AMPH: variants seen among roughly 807,000 people sequenced by gnomAD.
AMPH encodes the protein amphiphysin, also known as amphiphysin (Stiff-Mann syndrome with breast cancer 128kD autoantigen).
Under a neutral mutation model 99.1 loss-of-function variants are expected in AMPH, and 49 were observed. The observed-to-expected ratio is 0.49, with a 90% CI of 0.39 to 0.63. The LOEUF is 0.63. Ranked by LOEUF, AMPH falls within the 20% of genes least tolerant of loss-of-function variation. The pLI is 0.00. For synonymous variants in AMPH, 314 were observed against 317.3 expected (o/e 0.99, Z 0.11); for missense variants, 759 against 863.4 (o/e 0.88, Z 1.52).
chr7:38,485,714 G>A (rs921672859), intron 5 of AMPH, among the ~76,000 whole-genome samples: 16 of 151,864 alleles, frequency 1.1e-4, no homozygotes, highest in African/African-American at 3.4e-4. Flanking sequence ...AGTATAGAAA[G>A]TATGAAGGGT....
chr7:38,391,963 C>A lies in AMPH; in HGVS notation c.1663G>T (p.Gly555Ter), dbSNP rs1784511642. The change falls in exon 19 of 21, where the codon GGA becomes TGA. Residue 555 changes from glycine to a stop codon, truncating the protein, a stop_gained. Transcript: ENST00000356264. LOFTEE classifies it high-confidence loss of function. ...GCACCTATAGTTATTTCGTTTTCTC[C>A]TTCCTCTTCATGGTTGGAGGCAGGC... ...IEPASNHEEE[G>*]ENEITIGAEP... 1 of 1,611,170 alleles carries A rather than the reference C, an allele frequency of 6.2e-7. No homozygotes were observed. Among genetic ancestry groups the A allele is most frequent in the Non-Finnish European group, 8.5e-7 (1 of 1,180,012 alleles).
intron 1 of AMPH, among the ~76,000 whole-genome samples, chr7:38,626,821 A>C (rs1256619741): frequency 1.3e-5 from 2 of 152,224 alleles, no homozygotes; most frequent in African/African-American, 2.4e-5. Context: ...AACTTAAGCA[A>C]ATTTACAAGA....
chr7:38,460,612 A>G (rs948832197), intron 11 of AMPH, among the ~76,000 whole-genome samples: 1 of 152,154 alleles, frequency 6.6e-6, no homozygotes, highest in African/African-American at 2.4e-5. Flanking sequence ...GAAAAGACAG[A>G]TGCCACAAAT....
intron 1 of AMPH, among the ~76,000 whole-genome samples, chr7:38,599,787 T>TAAA (rs397729801): frequency 6.6e-5 from 10 of 150,980 alleles, no homozygotes; most frequent in Admixed American, 4.6e-4. Context: ...TAATATTAAA[T>TAAA]TTGAAATATT....
At chr7:38,440,966 G>T (rs772223631) in intron 11 of AMPH, among the ~76,000 whole-genome samples, 10 of 151,980 alleles carry the variant, frequency 6.6e-5, no homozygotes, top group South Asian at 2.1e-4. Flanking sequence ...GCAATTAAAA[G>T]GCAGAGATTA....
intron 1 of AMPH, among the ~76,000 whole-genome samples, chr7:38,610,229 T>A (rs1232055099): frequency 2.1e-5 from 1 of 47,458 alleles, no homozygotes; most frequent in African/African-American, 7.7e-5. Flanking sequence ...AAAGCTAAGC[T>A]CTCTCAAAAA....
At chr7:38,524,804 A>T (rs932787886) in intron 2 of AMPH, among the ~76,000 whole-genome samples, 7 of 152,144 alleles carry the variant, frequency 4.6e-5, no homozygotes, top group Non-Finnish European at 8.8e-5. Context: ...CTTTTCTTGA[A>T]AATCTGATGT....
chr7:38,420,100 C>T (rs377133128), intron 16 of AMPH, among the ~76,000 whole-genome samples: 14 of 152,164 alleles, frequency 9.2e-5, no homozygotes, highest in East Asian at 7.7e-4. Flanking sequence ...GTTTCACATA[C>T]GACAATAACA....
intron 11 of AMPH, among the ~76,000 whole-genome samples, chr7:38,457,931 A>G (rs1257529831): frequency 1.3e-5 from 2 of 151,836 alleles, no homozygotes; most frequent in South Asian, 2.1e-4. Flanking sequence ...GTCATTTTGT[A>G]TGTGTGTGTG....
chr7:38,445,744 C>T (rs76107702), intron 11 of AMPH, among the ~76,000 whole-genome samples: 8,629 of 152,152 alleles, frequency 0.057, 631 homozygotes, highest in East Asian at 0.35. Flanking sequence ...AAACACTAAC[C>T]GATACGGTTT....
chr7:38,629,641 T>C (rs558725596), intron 1 of AMPH, among the ~76,000 whole-genome samples: 132 of 152,346 alleles, frequency 8.7e-4, no homozygotes, highest in African/African-American at 2.7e-3. Context: ...CTAAATTCCT[T>C]CACAGATGGA....
At chr7:38,561,883 T>C (rs1352091426) in intron 1 of AMPH, among the ~76,000 whole-genome samples, 1 of 150,750 alleles carries the variant, frequency 6.6e-6, no homozygotes, top group Non-Finnish European at 1.5e-5. Flanking sequence ...GGCTTCTCAC[T>C]AGACCCAGAA....
chr7:38,407,076 A>ATATATATATATATGTG (rs1478238678), intron 17 of AMPH, among the ~76,000 whole-genome samples: 1 of 19,732 alleles, frequency 5.1e-5, no homozygotes. Context: ...ATATATATAT[A>ATATATATATATATGTG]TGTGTGTGTG....
intron 17 of AMPH, among the ~76,000 whole-genome samples, chr7:38,407,048 C>CTCTCTCTCTCTA (rs1241166935): frequency 2.2e-4 from 7 of 31,248 alleles, no homozygotes; most frequent in Admixed American, 4.1e-4. Flanking sequence ...CTCTCTCTCT[C>CTCTCTCTCTCTA]TATATATATA....
At chr7:38,517,408 T>C (rs1480615109) in intron 2 of AMPH, among the ~76,000 whole-genome samples, 1 of 152,246 alleles carries the variant, frequency 6.6e-6, no homozygotes, top group Non-Finnish European at 1.5e-5. Context: ...CTTCACTCTC[T>C]TCCTCCTGCT....
At chr7:38,452,817 A>T (rs1416193553) in intron 11 of AMPH, among the ~76,000 whole-genome samples, 2 of 152,226 alleles carry the variant, frequency 1.3e-5, no homozygotes, top group African/African-American at 4.8e-5. Flanking sequence ...TCCTGACCTC[A>T]TCCCAGACCT....
intron 7 of AMPH, among the ~76,000 whole-genome samples, chr7:38,472,603 TACAG>T (rs1787925299): frequency 1.3e-5 from 2 of 152,332 alleles, no homozygotes; most frequent in South Asian, 4.1e-4. Flanking sequence ...ATCTTTGGTA[TACAG>T]CATACACAAT....
chr7:38,590,850 A>G (rs532889324), intron 1 of AMPH, among the ~76,000 whole-genome samples: 1 of 152,346 alleles, frequency 6.6e-6, no homozygotes, highest in Non-Finnish European at 1.5e-5. Flanking sequence ...CAATGACCAC[A>G]AGGCCATAGA....
chr7:38,395,902 G>A (rs545467734), intron 17 of AMPH, among the ~76,000 whole-genome samples: 4 of 152,182 alleles, frequency 2.6e-5, no homozygotes, highest in African/African-American at 9.6e-5. Context: ...AAAGGTACAG[G>A]TAATAGTTTA....
Sources: allele counts gnomAD v4.1 joint callset (sites outside exome capture counted in the v4.1 genomes callset), GRCh38; gene constraint gnomAD v4.1.1; transcripts MANE v1.5; gene names NCBI Gene and HGNC (gene_info 2026-07-23, HGNC 2026-07-21).